Variants in ALDH1A3 observed in about 807,000 individuals in gnomAD.
ALDH1A3 encodes the protein aldehyde dehydrogenase 1 family member A3.
ALDH1A3 carries 28 observed loss-of-function variants against 57.5 expected under a neutral mutation model. The ratio of observed to expected loss-of-function variants is 0.49; its 90% CI spans 0.36 to 0.67. The LOEUF is 0.67. Ranked by LOEUF, ALDH1A3 falls within the 30% of genes least tolerant of loss-of-function variation. ALDH1A3 has a pLI of 0.00. For missense variants in ALDH1A3, 507 were observed against 669.4 expected (o/e 0.76, Z 2.68); for synonymous variants, 281 against 264.8 (o/e 1.06, Z -0.59).
Position 100,882,056 on chromosome 15 carries a change from C to T in ALDH1A3, c.99+2050C>T, listed in dbSNP as rs535112945. Among the ~76,000 whole-genome samples, 35 of 152,266 alleles carry T rather than the reference C, an allele frequency of 2.3e-4. No individual in the cohort carries two copies. In the East Asian group the frequency reaches 5.4e-3, roughly 24 times the overall value. ...TGAGGCCCAGAGTGGGCGAGTGGCCCGGCAGGTGGGTGGCCTGGCAGGAGA... is the reference window on the plus strand; with the variant it reads ...TGAGGCCCAGAGTGGGCGAGTGGCCTGGCAGGTGGGTGGCCTGGCAGGAGA... On this transcript the variant is annotated intron_variant, in intron 1 of 12. Coordinates refer to ENST00000329841, the MANE Select transcript of ALDH1A3 (RefSeq NM_000693.4).
chr15:100,884,460 A>G (rs2041574252), intron 1 of ALDH1A3, among the ~76,000 whole-genome samples: 1 of 152,182 alleles, frequency 6.6e-6, no homozygotes, highest in African/African-American at 2.4e-5. Context: ...TTATATAAAC[A>G]GTTATTTGCG....
At chr15:100,910,007 G>A (rs1453772814) in intron 12 of ALDH1A3, among the ~76,000 whole-genome samples, 1 of 152,310 alleles carries the variant, frequency 6.6e-6, no homozygotes, top group East Asian at 1.9e-4. Flanking sequence ...TTGGGCCTTG[G>A]TTGGGGCCTT....
chr15:100,900,502 G>T (rs1176754455), intron 8 of ALDH1A3, 73 bp from the exon 9 acceptor site: 2 of 1,377,266 alleles, frequency 1.5e-6, no homozygotes, highest in Non-Finnish European at 2.0e-6. Flanking sequence ...AATTGCAGCT[G>T]TCACCAGTCC....
chr15:100,911,082 T>C (rs368879594), intron 12 of ALDH1A3, among the ~76,000 whole-genome samples: 28 of 152,394 alleles, frequency 1.8e-4, no homozygotes, highest in Admixed American at 5.2e-4. Context: ...TTTTAGGCCC[T>C]TGGCCTATAT....
Position 100,905,624 on chromosome 15 carries a change from G to A in ALDH1A3, c.1170G>A (p.Gly390=). ...ECGGSAMEDK[G]LFIKPTVFSE... ...GGGGCTCAGCCATGGAAGACAAGGG[G>A]CTCTTCATCAAACCCACTGTCTTCT... Residue 390 remains glycine, a synonymous_variant, in exon 10 of 13, where the codon GGG becomes GGA. Coordinates refer to ENST00000329841, the MANE Select transcript of ALDH1A3 (RefSeq NM_000693.4). 6.2e-7 allele frequency: 1 copy of A among 1,612,674 alleles called. No individual in the cohort carries two copies. Among genetic ancestry groups the A allele is most frequent in the Non-Finnish European group, 8.5e-7 (1 of 1,179,312 alleles).
chr15:100,900,874 C>A, intron 9 of ALDH1A3, 115 bp downstream of exon 9: 4 of 1,151,984 alleles, frequency 3.5e-6, no homozygotes, highest in South Asian at 1.6e-5. Flanking sequence ...ACCTGTCCTG[C>A]CCAGGAGGCT....
In ALDH1A3 at chr15:100,887,285, G is replaced by A. The variant is rs1357323523; in HGVS notation, c.205-287G>A. Among the ~76,000 whole-genome samples the A allele has an allele frequency of 1.3e-5, 2 of 150,626 alleles. No individual in the cohort carries two copies. Among genetic ancestry groups the A allele is most frequent in the African/African-American group, 5.0e-5 (2 of 40,238 alleles). Reference sequence around the variant, plus strand: ...GTCAAAAGATGACACCCAAACTGCAGTCACCTCAAAAGATGACACCCAAAC... The same window carrying A: ...GTCAAAAGATGACACCCAAACTGCAATCACCTCAAAAGATGACACCCAAAC... On this transcript the variant is annotated intron_variant, in intron 2 of 12. Transcript: ENST00000329841. The surrounding 1 kb of genome is among the most constrained non-coding windows in gnomAD (Gnocchi z 4.6).
At chr15:100,909,281 CA>C (rs557872614) in intron 12 of ALDH1A3, among the ~76,000 whole-genome samples, 1 of 122,134 alleles carries the variant, frequency 8.2e-6, no homozygotes, top group Admixed American at 7.9e-5. Flanking sequence ...AACCCCTCCA[CA>C]TGTGTGTGCA....
intron 1 of ALDH1A3, among the ~76,000 whole-genome samples, chr15:100,884,911 A>G (rs1030426953): frequency 2.6e-5 from 4 of 152,166 alleles, no homozygotes; most frequent in Non-Finnish European, 5.9e-5. Context: ...CCCAAAGTCT[A>G]TTGGGGTATG....
chr15:100,912,343 G>C (rs2041889515), intron 12 of ALDH1A3, among the ~76,000 whole-genome samples: 1 of 152,124 alleles, frequency 6.6e-6, no homozygotes, highest in East Asian at 1.9e-4. Context: ...TTCTTTTTCT[G>C]AAAACTAACT....
chr15:100,915,153 C>A lies in ALDH1A3; in HGVS notation c.*380C>A, dbSNP rs1302093543. 2.4e-5 allele frequency: 5 copies of A among 209,956 alleles called. No individual in the cohort carries two copies. Among genetic ancestry groups the A allele is most frequent in the Admixed American group, 2.0e-4 (4 of 19,590 alleles). 13.0% of individuals were successfully genotyped at this position (209,956 alleles called of 1,614,324 possible). A position where few individuals can be genotyped will look rare whatever the true frequency, so the allele number is the denominator to read the frequency against. On this transcript the variant is annotated 3_prime_UTR_variant, in exon 13 of 13. Coordinates refer to ENST00000329841, the MANE Select transcript of ALDH1A3 (RefSeq NM_000693.4). ...CTCCAGTAAGAATGTGGGAAAACCC[C>A]CTGTGTGTTCTGCAAGCAGGGCTCT...
At chr15:100,912,042 C>T (rs2041887287) in intron 12 of ALDH1A3, among the ~76,000 whole-genome samples, 1 of 152,136 alleles carries the variant, frequency 6.6e-6, no homozygotes, top group African/African-American at 2.4e-5. Flanking sequence ...TGGGAGCAAG[C>T]TACATTTCGT....
chr15:100,896,718 T>C lies in ALDH1A3; in HGVS notation c.780+672T>C, dbSNP rs140211810. Among the ~76,000 whole-genome samples, 547 of 152,336 alleles carry C rather than the reference T, an allele frequency of 3.6e-3. 9 individuals carry two copies. Among genetic ancestry groups the C allele is most frequent in the East Asian group, 3.1e-3 (16 of 5,184 alleles). On this transcript the variant is annotated intron_variant, in intron 7 of 12. Coordinates refer to ENST00000329841, the MANE Select transcript of ALDH1A3 (RefSeq NM_000693.4). ...CATTTCAAAAAAAGAAAAAACTACT[T>C]AGAGAAATTTTCTCATGAGGCTTCA...
intron 11 of ALDH1A3, among the ~76,000 whole-genome samples, chr15:100,907,528 C>T (rs919594054): frequency 2.6e-5 from 4 of 152,144 alleles, no homozygotes; most frequent in Non-Finnish European, 4.4e-5. Context: ...AGCAGATGGC[C>T]GAGAGGGCTC....
Position 100,907,157 on chromosome 15 carries a change from A to G in ALDH1A3, c.1270A>G (p.Ser424Gly), listed in dbSNP as rs768405140. ...GPVQPILKFK[S>G]IEEVIKRANS... ...AGTGCAACCAATACTGAAGTTCAAAAGTATCGAAGAAGTGATAAAAAGAGC... is the reference window on the plus strand; with the variant it reads ...AGTGCAACCAATACTGAAGTTCAAAGGTATCGAAGAAGTGATAAAAAGAGC... The change falls in exon 11 of 13, where the codon AGT becomes GGT. Residue 424 changes from serine (S) to glycine (G), a missense_variant. By Grantham distance (56) the Ser-to-Gly change is moderately conservative. This residue lies in a region of ALDH1A3 where 432 missense variants were observed against 608.4 expected (regional missense o/e 0.71). Transcript: ENST00000329841. The G allele has an allele frequency of 6.2e-7, 1 of 1,614,050 alleles. No individual in the cohort carries two copies. The highest frequency in any genetic ancestry group is 8.5e-7 in the Non-Finnish European group (1 of 1,180,020).
intron 10 of ALDH1A3, 28 bp from the exon 11 acceptor site, chr15:100,907,093 T>G: frequency 6.2e-7 from 1 of 1,608,760 alleles, no homozygotes; most frequent in Non-Finnish European, 8.5e-7. Context: ...GTCATGCCTC[T>G]CATTGCCATT....
At position 100,896,848 on chromosome 15, in the gene ALDH1A3, C is replaced by T. The variant is rs76219991; in HGVS notation, c.780+802C>T. On this transcript the variant is annotated intron_variant, in intron 7 of 12. Transcript: ENST00000329841. ...TATTGTTGAAGCACAAAACAGCAAA[C>T]GGTAGAAAATTACCCACAATATTTT... Among the ~76,000 whole-genome samples the T allele has an allele frequency of 3.5e-3, 535 of 152,274 alleles. 1 individual carries two copies. The highest frequency in any genetic ancestry group is 6.2e-3 in the Non-Finnish European group (423 of 68,020).
chr15:100,892,709 C>T (rs750261923), intron 4 of ALDH1A3, 70 bp downstream of exon 4: 149 of 1,536,730 alleles, frequency 9.7e-5, no homozygotes, highest in Non-Finnish European at 1.2e-4. Context: ...ATCCAGAGCC[C>T]CCCCTGACTG....
rs7165217 is a variant in ALDH1A3, at chr15:100,907,015, G to A, written c.1234-106G>A. On this transcript the variant is annotated intron_variant, in intron 10 of 12. Transcript: ENST00000329841. The stretch of plus-strand genomic sequence containing the variant: ...TAATCATCGTTTTTCAGGCATGTGT[G>A]TGCTCTGGGCATATGAAAAACATGT... The A allele has an allele frequency of 6.1e-4, 786 of 1,279,630 alleles. 3 individuals are homozygous for A. The African/African-American group carries it at 0.011, about 18-fold the overall frequency. The allele number at this position is 1,279,630 out of a possible 1,614,324, so 79.3% of individuals were successfully genotyped here.
Sources: allele counts gnomAD v4.1 joint callset (sites outside exome capture counted in the v4.1 genomes callset), GRCh38; gene constraint gnomAD v4.1.1; regional missense constraint gnomAD v4.1.1; non-coding constraint Gnocchi (gnomAD v3.1); transcripts MANE v1.5; gene names NCBI Gene and HGNC (gene_info 2026-07-23, HGNC 2026-07-21).